UNK: variants seen among roughly 807,000 people sequenced by gnomAD.
UNK encodes RING finger protein unkempt homolog.
In UNK, 32 loss-of-function variants were observed where a neutral mutation model predicts 97.6. That is an observed-to-expected ratio of 0.33 (90% confidence interval 0.25 to 0.44). The LOEUF (loss-of-function observed/expected upper bound fraction) is 0.44. Among genes scored for constraint, UNK ranks in the 20% least tolerant of loss-of-function variants. UNK has a pLI of 1.00. For synonymous variants in UNK, 441 were observed against 461.2 expected, an observed-to-expected ratio of 0.96 and a Z score of 0.56; for missense variants, 771 against 1,098.4, an observed-to-expected ratio of 0.70 and a Z score of 4.21.
intron 6 of UNK, among the ~76,000 whole-genome samples, chr17:75,814,968 A>C (rs1266314984): frequency 1.3e-5 from 2 of 152,026 alleles, no homozygotes; most frequent in Non-Finnish European, 2.9e-5. Context: ...GGAGGCTGTC[A>C]GTGACAATGG....
chr17:75,795,764 G>A (rs1472381427), intron 1 of UNK, among the ~76,000 whole-genome samples: 1 of 152,180 alleles, frequency 6.6e-6, no homozygotes, highest in Non-Finnish European at 1.5e-5. Context: ...ATCTTCCTCA[G>A]TTTCACCAGC....
At chr17:75,796,739 G>A (rs1217567172) in intron 1 of UNK, among the ~76,000 whole-genome samples, 1 of 152,128 alleles carries the variant, frequency 6.6e-6, no homozygotes, top group Non-Finnish European at 1.5e-5. Flanking sequence ...ATGGAATGTA[G>A]AACTGATAAT....
At position 75,819,360 on chromosome 17, in the gene UNK, C is replaced by A. The variant is rs1397838942; in HGVS notation, c.1547-324C>A. On this transcript the variant is annotated intron_variant, in intron 11 of 15. Transcript: ENST00000589666. The surrounding 1 kb of genome is among the most constrained non-coding windows in gnomAD (Gnocchi z 5.4). ...AGAGACCCGCCCACCCCCACTGATC[C>A]CGGGGCTGAGACCCTTGAGTTGTAA... 5.3e-6 allele frequency: 2 copies of A among 379,548 alleles called. No individual in the cohort carries two copies. The highest frequency in any genetic ancestry group is 9.7e-6 in the Non-Finnish European group (2 of 205,662). The allele number at this position is 379,548 out of a possible 1,614,324, so 23.5% of individuals were successfully genotyped here.
At chr17:75,804,479 A>C (rs551997659) in intron 1 of UNK, among the ~76,000 whole-genome samples, 13 of 152,054 alleles carry the variant, frequency 8.5e-5, no homozygotes, top group Non-Finnish European at 1.6e-4. Context: ...AAAATCCATT[A>C]ATCTGCGCAA....
intron 2 of UNK, among the ~76,000 whole-genome samples, chr17:75,810,716 A>G (rs2061961171): frequency 6.6e-6 from 1 of 152,118 alleles, no homozygotes; most frequent in Non-Finnish European, 1.5e-5. Flanking sequence ...GGCTCACTGC[A>G]ACCTCCACCT....
chr17:75,802,293 C>G (rs1038878073), intron 1 of UNK, among the ~76,000 whole-genome samples: 2 of 124,138 alleles, frequency 1.6e-5, no homozygotes. Flanking sequence ...GGGTCTCGCT[C>G]TGTCACCCAG....
At chr17:75,789,266 G>A (rs528107617) in intron 1 of UNK, among the ~76,000 whole-genome samples, 2 of 152,162 alleles carry the variant, frequency 1.3e-5, no homozygotes, top group South Asian at 4.1e-4. Context: ...ACAGCTCCAA[G>A]TATTTGCTTA....
At chr17:75,790,798 G>A (rs565551993) in intron 1 of UNK, among the ~76,000 whole-genome samples, 1 of 152,046 alleles carries the variant, frequency 6.6e-6, no homozygotes, top group East Asian at 1.9e-4. Context: ...GGGCGTGGTG[G>A]TGCATGCCTG....
intron 13 of UNK, 118 bp from the exon 14 acceptor site, chr17:75,822,359 C>A: frequency 8.0e-7 from 1 of 1,255,514 alleles, no homozygotes; most frequent in Non-Finnish European, 1.1e-6. Flanking sequence ...CTGACACTAG[C>A]TGGAGCCTTG....
At position 75,816,954 on chromosome 17, in the gene UNK, CAG is replaced by C. The variant is rs2062021924; in HGVS notation, c.1104+45_1104+46del. ...GGGAGTGGGTGGGCACCATGCCTGA[CAG>C]AGCCAATACTTGCCTCCTAGGCCCT... On this transcript the variant is annotated intron_variant, in intron 8 of 15. Coordinates refer to ENST00000589666, the MANE Select transcript of UNK (RefSeq NM_001080419.3). This position sits in a 1 kb window ranked among gnomAD's most constrained non-coding sequence, Gnocchi z 4.0. The C allele has an allele frequency of 1.3e-6, 2 of 1,573,108 alleles. No individual in the cohort carries two copies. The highest frequency in any genetic ancestry group is 1.7e-6 in the Non-Finnish European group (2 of 1,165,480).
Position 75,817,623 on chromosome 17 carries a change from C to A in UNK, c.1305+97C>A. The A allele has an allele frequency of 7.5e-7, 1 of 1,329,646 alleles. No individual in the cohort carries two copies. The highest frequency in any genetic ancestry group is 1.0e-6 in the Non-Finnish European group (1 of 976,748). 82.4% of individuals were successfully genotyped at this position (1,329,646 alleles called of 1,614,324 possible). ...CTTGGTCCAGCTACGGGGAGGATGA[C>A]TGGGAGCTAGGACTCCACTGTCCTC... is the stretch of plus-strand genomic sequence containing the variant. On this transcript the variant is annotated intron_variant, in intron 9 of 15. Coordinates refer to ENST00000589666, the MANE Select transcript of UNK (RefSeq NM_001080419.3). This position sits in a 1 kb window ranked among gnomAD's most constrained non-coding sequence, Gnocchi z 5.8.
rs1454140969 is a variant in UNK at position 75,817,426 on chromosome 17, C to T, written c.1205C>T (p.Pro402Leu). ...KPPNLEGIVF[P>L]GESGLAPGSY... ...CCAAACCTGGAGGGCATCGTCTTCC[C>T]TGGGGAGTCTGGCCTGGCCCCTGGC... The change falls in exon 9 of 16, where the codon CCT becomes CTT. Residue 402 changes from proline (P) to leucine (L), a missense_variant. Around this residue, in one of 5 missense-constraint regions of UNK, gnomAD observed 192 missense variants for 202.4 expected, o/e 0.95. Coordinates refer to ENST00000589666, the MANE Select transcript of UNK (RefSeq NM_001080419.3). This position sits in a 1 kb window ranked among gnomAD's most constrained non-coding sequence, Gnocchi z 5.8. 3 of 1,613,242 alleles carry T rather than the reference C, an allele frequency of 1.9e-6. No individual in the cohort carries two copies. Among genetic ancestry groups the T allele is most frequent in the Non-Finnish European group, 2.5e-6 (3 of 1,179,666 alleles).
intron 1 of UNK, among the ~76,000 whole-genome samples, chr17:75,788,813 C>A (rs917229695): frequency 6.6e-6 from 1 of 152,132 alleles, no homozygotes; most frequent in Non-Finnish European, 1.5e-5. Flanking sequence ...CCTGGACTTT[C>A]TTATACATTA....
intron 14 of UNK, 76 bp from the exon 15 acceptor site, chr17:75,823,189 C>T: frequency 6.7e-6 from 10 of 1,500,502 alleles, no homozygotes; most frequent in Non-Finnish European, 8.9e-6. Flanking sequence ...GCCAGAGTGG[C>T]CCCCAAAAGA....
rs35955807 is a variant in UNK, at chr17:75,815,885, T to TA, written c.961+653dup. Reference sequence around the variant, plus strand: ...TGGGCAACAGGGCGAGACTCTGTCTTAAAAAAAAAAAAAAAAAAAAATTAA... The same window carrying TA: ...TGGGCAACAGGGCGAGACTCTGTCTTAAAAAAAAAAAAAAAAAAAAAATTAA... On this transcript the variant is annotated intron_variant, in intron 7 of 15. Transcript: ENST00000589666. Among the ~76,000 whole-genome samples the TA allele has an allele frequency of 3.6e-4, 43 of 119,132 alleles. 1 individual carries two copies. Among genetic ancestry groups the TA allele is most frequent in the East Asian group, 2.7e-3 (12 of 4,364 alleles). 78.2% of individuals were successfully genotyped at this position (119,132 alleles called of 152,430 possible). A position where few individuals can be genotyped will look rare whatever the true frequency, so the allele number is the denominator to read the frequency against.
Position 75,816,966 on chromosome 17 carries a change from T to G in UNK, c.1104+54T>G. 1 of 1,553,846 alleles carries G rather than the reference T, an allele frequency of 6.4e-7. No individual in the cohort carries two copies. The highest frequency in any genetic ancestry group is 8.7e-7 in the Non-Finnish European group (1 of 1,154,992). ...GCACCATGCCTGACAGAGCCAATACTTGCCTCCTAGGCCCTTTCAGCCTGG... is the reference window on the plus strand; with the variant it reads ...GCACCATGCCTGACAGAGCCAATACGTGCCTCCTAGGCCCTTTCAGCCTGG... On this transcript the variant is annotated intron_variant, in intron 8 of 15. Coordinates refer to ENST00000589666, the MANE Select transcript of UNK (RefSeq NM_001080419.3). The surrounding 1 kb of genome is among the most constrained non-coding windows in gnomAD (Gnocchi z 4.0).
chr17:75,805,233 C>T (rs1264298617), intron 1 of UNK, among the ~76,000 whole-genome samples: 4 of 149,946 alleles, frequency 2.7e-5, no homozygotes, highest in African/African-American at 7.4e-5. Flanking sequence ...AGTGAAACCC[C>T]ATCTCTACAA....
Position 75,817,004 on chromosome 17 carries a change from A to T in UNK, c.1104+92A>T. ...CCTTTCAGCCTGGGCTTGGGAGACC[A>T]TCCTGGTATTTGTCCTCAGGCCAGG... is the stretch of plus-strand genomic sequence containing the variant. On this transcript the variant is annotated intron_variant, in intron 8 of 15. Transcript: ENST00000589666. The surrounding 1 kb of genome is among the most constrained non-coding windows in gnomAD (Gnocchi z 5.8). The T allele has an allele frequency of 6.8e-7, 1 of 1,465,248 alleles. No homozygotes were observed. Among genetic ancestry groups the T allele is most frequent in the Non-Finnish European group, 9.1e-7 (1 of 1,103,582 alleles). 90.8% of individuals were successfully genotyped at this position (1,465,248 alleles called of 1,614,324 possible). A position where few individuals can be genotyped will look rare whatever the true frequency, so the allele number is the denominator to read the frequency against.
intron 5 of UNK, among the ~76,000 whole-genome samples, chr17:75,813,441 C>T (rs1215069871): frequency 6.6e-6 from 1 of 152,236 alleles, no homozygotes; most frequent in Non-Finnish European, 1.5e-5. Context: ...TCTGAGGCTC[C>T]ACCGCTCCTG....
Sources: allele counts gnomAD v4.1 joint callset (sites outside exome capture counted in the v4.1 genomes callset), GRCh38; gene constraint gnomAD v4.1.1; regional missense constraint gnomAD v4.1.1; non-coding constraint Gnocchi (gnomAD v3.1); transcripts MANE v1.5; gene names NCBI Gene and HGNC (gene_info 2026-07-23, HGNC 2026-07-21).